Variants in AFG2A observed in about 807,000 individuals in gnomAD.
AFG2A encodes the protein ATPase family gene 2 protein homolog A.
the AFG2A span, among the ~76,000 whole-genome samples, chr4:123,041,409 C>T: frequency 6.6e-6 from 1 of 151,734 alleles, no homozygotes; most frequent in Non-Finnish European, 1.5e-5. Flanking sequence ...GCGTGAGCCA[C>T]CGCGCCCGGC....
the AFG2A span, among the ~76,000 whole-genome samples, chr4:123,172,582 C>G: frequency 2.0e-5 from 3 of 152,152 alleles, no homozygotes; most frequent in Non-Finnish European, 4.4e-5. Context: ...TGAAATGATT[C>G]AGGAACTGGG....
At chr4:123,298,080 A>C in the AFG2A span, among the ~76,000 whole-genome samples, 5 of 147,204 alleles carry the variant, frequency 3.4e-5, no homozygotes, top group Admixed American at 7.0e-5. Context: ...ACAGTGTGAA[A>C]ACACACACAC....
At chr4:122,969,659 T>C in the AFG2A span, among the ~76,000 whole-genome samples, 65 of 152,312 alleles carry the variant, frequency 4.3e-4, no homozygotes, top group African/African-American at 1.5e-3. Context: ...TATTAAGTCT[T>C]TCAATCAATT....
chr4:123,217,098 C>G, the AFG2A span, among the ~76,000 whole-genome samples: 1,584 of 152,148 alleles, frequency 0.01, 18 homozygotes, highest in Non-Finnish European at 0.013. Flanking sequence ...ATGTACATAG[C>G]CTTGGTATTT....
chr4:123,295,193 G>C, the AFG2A span, among the ~76,000 whole-genome samples: 1 of 152,226 alleles, frequency 6.6e-6, no homozygotes, highest in Non-Finnish European at 1.5e-5. Flanking sequence ...AGGTCAGTTC[G>C]ATAGCATGAA....
the AFG2A span, among the ~76,000 whole-genome samples, chr4:123,293,056 G>A: frequency 1.4e-4 from 22 of 152,104 alleles, no homozygotes; most frequent in African/African-American, 4.3e-4. Context: ...CACTCATGTC[G>A]CAATGTTCTG....
chr4:123,120,311 GTCT>G, the AFG2A span, among the ~76,000 whole-genome samples: 1 of 151,902 alleles, frequency 6.6e-6, no homozygotes, highest in Non-Finnish European at 1.5e-5. Flanking sequence ...CACATTGTCT[GTCT>G]TCTTTCCAAA....
At chr4:123,220,290 T>A in the AFG2A span, among the ~76,000 whole-genome samples, 3 of 152,122 alleles carry the variant, frequency 2.0e-5, no homozygotes, top group African/African-American at 7.2e-5. Flanking sequence ...TATAGATTTA[T>A]TTGCTTTCTC....
the AFG2A span, among the ~76,000 whole-genome samples, chr4:122,967,091 G>T: frequency 6.6e-6 from 1 of 152,124 alleles, no homozygotes; most frequent in African/African-American, 2.4e-5. Flanking sequence ...CCATTACTGA[G>T]AACTATTTTT....
chr4:123,319,054 G>T, the AFG2A span: 14 of 152,040 alleles, frequency 9.2e-5, no homozygotes, highest in Admixed American at 8.5e-4. Flanking sequence ...AACTTAGAAC[G>T]GCTTCTAACT....
At chr4:123,028,279 C>T in the AFG2A span, 109 of 1,613,996 alleles carry the variant, frequency 6.8e-5, no homozygotes, top group Non-Finnish European at 7.8e-5. Flanking sequence ...GTCTTTCATT[C>T]GAATGGGTAT....
chr4:123,079,477 A>G, the AFG2A span, among the ~76,000 whole-genome samples: 1 of 152,142 alleles, frequency 6.6e-6, no homozygotes, highest in Non-Finnish European at 1.5e-5. Context: ...GGCATGGCCC[A>G]GGATTTTGTC....
chr4:123,223,818 C>G, the AFG2A span, among the ~76,000 whole-genome samples: 2 of 152,128 alleles, frequency 1.3e-5, no homozygotes, highest in Admixed American at 6.5e-5. Flanking sequence ...GGAGACTAAC[C>G]CCTAATATTG....
the AFG2A span, among the ~76,000 whole-genome samples, chr4:123,225,461 C>A: frequency 0.015 from 2,259 of 152,100 alleles, 50 homozygotes; most frequent in African/African-American, 0.052. Flanking sequence ...CATTTATTAA[C>A]TAAGGAATCC....
the AFG2A span, among the ~76,000 whole-genome samples, chr4:123,112,854 A>T: frequency 3.9e-5 from 6 of 152,164 alleles, no homozygotes; most frequent in African/African-American, 1.4e-4. Context: ...GATGAAGTAA[A>T]TATCTATATA....
the AFG2A span, among the ~76,000 whole-genome samples, chr4:123,306,368 G>T: frequency 6.6e-6 from 1 of 152,050 alleles, no homozygotes; most frequent in South Asian, 2.1e-4. Flanking sequence ...GTGACATGTT[G>T]GCACCAAATA....
chr4:123,244,741 A>T, the AFG2A span, among the ~76,000 whole-genome samples: 1 of 152,184 alleles, frequency 6.6e-6, no homozygotes, highest in African/African-American at 2.4e-5. Flanking sequence ...AACCTTAGTT[A>T]TCCAGAAACA....
chr4:122,953,340 C>T, the AFG2A span, among the ~76,000 whole-genome samples: 8 of 152,344 alleles, frequency 5.3e-5, no homozygotes, highest in African/African-American at 1.9e-4. Context: ...TTCAACCTTT[C>T]TGATCCCCAT....
At chr4:123,099,404 G>C in the AFG2A span, among the ~76,000 whole-genome samples, 3 of 151,656 alleles carry the variant, frequency 2.0e-5, no homozygotes, top group African/African-American at 7.3e-5. Context: ...TGCTTTTGAG[G>C]TCATGTTCAA....
Sources: gnomAD v4.1 joint callset for allele counts (sites outside exome capture counted in the v4.1 genomes callset) on GRCh38, gnomAD v4.1.1 for gene constraint, MANE v1.5 for transcripts, NCBI Gene and HGNC (gene_info 2026-07-23, HGNC 2026-07-21) for gene names.